Variants in SBF2 observed in about 807,000 individuals in gnomAD.
SBF2 encodes myotubularin-related protein 13.
A neutral mutation model predicts 225.2 loss-of-function variants in SBF2; 112 were observed. The observed-to-expected ratio is 0.50, with a 90% confidence interval of 0.43 to 0.58. The LOEUF is 0.58. SBF2 is among the 20% of genes least tolerant of loss of function. SBF2 has a pLI of 0.00. For missense variants in SBF2, 1,996 were observed against 2,206.2 expected, an observed-to-expected ratio of 0.90 and a Z score of 1.91; for synonymous variants, 763 against 773.3, an observed-to-expected ratio of 0.99 and a Z score of 0.22.
intron 1 of SBF2, among the ~76,000 whole-genome samples, chr11:10,195,220 AC>A (rs1957314451): frequency 6.6e-6 from 1 of 152,066 alleles, no homozygotes; most frequent in African/African-American, 2.4e-5. Context: ...TTCCAGTAGC[AC>A]CCTCTACCAC....
At chr11:9,834,460 T>C (rs1359981969) in intron 26 of SBF2, among the ~76,000 whole-genome samples, 1 of 152,180 alleles carries the variant, frequency 6.6e-6, no homozygotes, top group African/African-American at 2.4e-5. Context: ...GAACTTCTTA[T>C]CCCTTATCTT....
intron 12 of SBF2, among the ~76,000 whole-genome samples, chr11:9,990,524 T>A (rs1364892390): frequency 6.6e-6 from 1 of 152,032 alleles, no homozygotes. Context: ...CCAAAGAGGG[T>A]AGAATGAGAA....
chr11:10,189,129 C>T (rs1398570521), intron 2 of SBF2, among the ~76,000 whole-genome samples: 1 of 152,192 alleles, frequency 6.6e-6, no homozygotes, highest in Non-Finnish European at 1.5e-5. Context: ...CTGTCTTCTT[C>T]TATTTCTCAA....
At chr11:9,906,196 G>A (rs1484798530) in intron 16 of SBF2, among the ~76,000 whole-genome samples, 1 of 152,102 alleles carries the variant, frequency 6.6e-6, no homozygotes, top group East Asian at 1.9e-4. Context: ...CTGTCATGAG[G>A]CCCAAGGCAA....
intron 17 of SBF2, among the ~76,000 whole-genome samples, chr11:9,865,767 A>G (rs1204114423): frequency 6.7e-6 from 1 of 149,596 alleles, no homozygotes; most frequent in Non-Finnish European, 1.5e-5. Flanking sequence ...TAATTTGCTC[A>G]AGGGAACACT....
At position 10,057,677 on chromosome 11, in the gene SBF2, T is replaced by C. The variant is rs541058076; in HGVS notation, c.142-14696A>G. Among the ~76,000 whole-genome samples the C allele has an allele frequency of 1.3e-4, 20 of 152,188 alleles. No homozygotes were observed. In the South Asian group the frequency reaches 4.2e-3, roughly 32 times the overall value. On this transcript the variant is annotated intron_variant, in intron 2 of 39. Transcript: ENST00000256190. ...TGAGGAAGGAACATAAACACAGAGA[T>C]TGCCCCAAAGTTGCAGTGGGCAGCC...
chr11:10,260,702 CAAA>C (rs56816687), intron 1 of SBF2, among the ~76,000 whole-genome samples: 7 of 60,870 alleles, frequency 1.1e-4, no homozygotes, highest in African/African-American at 1.2e-4. Flanking sequence ...GATTCCATCT[CAAA>C]AAAAAAAAAA....
At chr11:9,858,489 C>T (rs1857482184) in intron 17 of SBF2, 93 bp from the exon 18 acceptor site, 1 of 1,263,534 alleles carries the variant, frequency 7.9e-7, no homozygotes, top group South Asian at 1.2e-5. Context: ...TAGATGAGAT[C>T]AAAGGATTTC....
At chr11:10,127,470 T>C (rs1347972718) in intron 2 of SBF2, among the ~76,000 whole-genome samples, 1 of 152,102 alleles carries the variant, frequency 6.6e-6, no homozygotes, top group East Asian at 1.9e-4. Context: ...CTCATCAACA[T>C]CCCTCCATTG....
chr11:10,157,168 A>C (rs963309997), intron 2 of SBF2, among the ~76,000 whole-genome samples: 3 of 152,198 alleles, frequency 2.0e-5, no homozygotes, highest in African/African-American at 7.2e-5. Context: ...GCCCTGGGGA[A>C]AGGATTCCCT....
At chr11:9,865,623 G>A (rs570561014) in intron 17 of SBF2, among the ~76,000 whole-genome samples, 26 of 145,830 alleles carry the variant, frequency 1.8e-4, no homozygotes, top group Admixed American at 1.4e-3. Context: ...CCTGGGAGGC[G>A]GAGGTTGCAG....
At chr11:9,887,133 A>C (rs1406472945) in intron 17 of SBF2, among the ~76,000 whole-genome samples, 1 of 151,632 alleles carries the variant, frequency 6.6e-6, no homozygotes. Context: ...TCATCATATA[A>C]AAAAAAATTG....
intron 16 of SBF2, among the ~76,000 whole-genome samples, chr11:9,940,097 G>A (rs1360252946): frequency 1.3e-5 from 2 of 152,044 alleles, no homozygotes; most frequent in African/African-American, 4.8e-5. Flanking sequence ...TGGTTGCTGT[G>A]ATTAAAAAGT....
At chr11:9,786,029 G>C (rs1852350750) in intron 36 of SBF2, among the ~76,000 whole-genome samples, 1 of 152,072 alleles carries the variant, frequency 6.6e-6, no homozygotes, top group Admixed American at 6.6e-5. Flanking sequence ...ACCATGCCTG[G>C]CTAATTTTTT....
intron 2 of SBF2, among the ~76,000 whole-genome samples, chr11:10,166,416 G>T (rs985612459): frequency 6.6e-6 from 1 of 152,124 alleles, no homozygotes; most frequent in Non-Finnish European, 1.5e-5. Context: ...CTACCAGTCA[G>T]CCTTTTTATA....
chr11:10,234,868 G>C (rs1959001440), intron 1 of SBF2, among the ~76,000 whole-genome samples: 1 of 152,138 alleles, frequency 6.6e-6, no homozygotes, highest in African/African-American at 2.4e-5. Flanking sequence ...GTTATAGCTT[G>C]GTAGAAAAAG....
At chr11:10,182,781 ATTTT>A (rs962286958) in intron 2 of SBF2, among the ~76,000 whole-genome samples, 2 of 143,584 alleles carry the variant, frequency 1.4e-5, no homozygotes, top group African/African-American at 5.1e-5. Flanking sequence ...TTGTTTTTTA[ATTTT>A]TTTTTTTGAG....
intron 24 of SBF2, 149 bp from the exon 25 acceptor site, chr11:9,842,919 C>G (rs1372899915): frequency 4.1e-5 from 29 of 708,494 alleles, no homozygotes; most frequent in Middle Eastern, 2.7e-4. Context: ...CTTTAGGTTA[C>G]TTTTAATATG....
chr11:9,991,577 C>T (rs1163903421), intron 12 of SBF2, among the ~76,000 whole-genome samples: 3 of 152,072 alleles, frequency 2.0e-5, no homozygotes, highest in East Asian at 1.9e-4. Context: ...ATATAGTACT[C>T]TTTCAAAAAT....
Sources: allele counts gnomAD v4.1 joint callset (sites outside exome capture counted in the v4.1 genomes callset), GRCh38; gene constraint gnomAD v4.1.1; transcripts MANE v1.5; gene names NCBI Gene and HGNC (gene_info 2026-07-23, HGNC 2026-07-21).